The following BBS9 variants were observed in gnomAD, a reference collection of about 807,000 sequenced individuals.
BBS9 encodes protein PTHB1.
BBS9 carries 89 observed loss-of-function variants against 117.7 expected under a neutral mutation model. The ratio of observed to expected loss-of-function variants is 0.76; its 90% CI spans 0.64 to 0.90. The LOEUF (loss-of-function observed/expected upper bound fraction) is 0.90, where lower values mean the gene tolerates loss of function less well. BBS9 is among the 40% of genes least tolerant of loss of function. The pLI is 0.00. For missense variants in BBS9, 982 were observed against 1,042.2 expected (o/e 0.94, Z 0.80); for synonymous variants, 379 against 370.9 (o/e 1.02, Z -0.25).
chr7:33,308,127 T>G (rs1363894185), intron 9 of BBS9, among the ~76,000 whole-genome samples: 1 of 152,178 alleles, frequency 6.6e-6, no homozygotes, highest in African/African-American at 2.4e-5. Flanking sequence ...AGCAGCATGT[T>G]GTTAGTTTGA....
intron 9 of BBS9, among the ~76,000 whole-genome samples, chr7:33,325,675 T>G (rs1812676671): frequency 6.6e-6 from 1 of 152,176 alleles, no homozygotes; most frequent in Non-Finnish European, 1.5e-5. Context: ...ATCTAGATTT[T>G]GGGTCACTGC....
intron 21 of BBS9, among the ~76,000 whole-genome samples, chr7:33,623,460 G>T (rs760475283): frequency 1.5e-4 from 23 of 152,128 alleles, no homozygotes; most frequent in Non-Finnish European, 3.2e-4. Context: ...TTTTGGCCAA[G>T]AGTTTGGCAT....
intron 21 of BBS9, among the ~76,000 whole-genome samples, chr7:33,581,188 G>C (rs1390546718): frequency 6.6e-6 from 1 of 152,012 alleles, no homozygotes; most frequent in Non-Finnish European, 1.5e-5. Context: ...CCAAGACACT[G>C]TGTACTTGCT....
At chr7:33,407,430 A>G (rs1260883704) in intron 19 of BBS9, among the ~76,000 whole-genome samples, 1 of 152,186 alleles carries the variant, frequency 6.6e-6, no homozygotes, top group Non-Finnish European at 1.5e-5. Context: ...TTCTTCTCTC[A>G]ACTCGTCAAA....
intron 4 of BBS9, among the ~76,000 whole-genome samples, chr7:33,166,253 T>C (rs556036702): frequency 1.3e-5 from 2 of 152,158 alleles, no homozygotes. Flanking sequence ...GGCACCCTCC[T>C]GTATGAGGTG....
intron 4 of BBS9, among the ~76,000 whole-genome samples, chr7:33,169,057 G>A (rs1183488412): frequency 1.3e-5 from 2 of 151,722 alleles, no homozygotes; most frequent in African/African-American, 2.4e-5. Flanking sequence ...GAGAATATGC[G>A]GTGTTTGGTT....
At chr7:33,134,241 T>C (rs1279410683) in intron 1 of BBS9, among the ~76,000 whole-genome samples, 2 of 150,466 alleles carry the variant, frequency 1.3e-5, no homozygotes, top group East Asian at 3.9e-4. Flanking sequence ...TTTTTTGTAT[T>C]TTTAGTGGAG....
At chr7:33,136,784 G>A (rs1395327981) in intron 1 of BBS9, among the ~76,000 whole-genome samples, 1 of 152,078 alleles carries the variant, frequency 6.6e-6, no homozygotes, top group Non-Finnish European at 1.5e-5. Flanking sequence ...TTGGTCTATT[G>A]TTTTCTTGTG....
At chr7:33,269,356 A>T (rs762218954) in intron 7 of BBS9, among the ~76,000 whole-genome samples, 3 of 152,102 alleles carry the variant, frequency 2.0e-5, no homozygotes, top group Non-Finnish European at 4.4e-5. Flanking sequence ...TTACTTTCAT[A>T]TACAATATAT....
intron 19 of BBS9, among the ~76,000 whole-genome samples, chr7:33,489,771 C>T (rs928873254): frequency 3.3e-5 from 5 of 152,172 alleles, no homozygotes; most frequent in African/African-American, 7.2e-5. Flanking sequence ...TGAAGCTTCA[C>T]GTGCTATTGT....
chr7:33,367,903 C>A, intron 17 of BBS9, 41 bp downstream of exon 17: 1 of 1,485,752 alleles, frequency 6.7e-7, no homozygotes, highest in South Asian at 1.1e-5. Context: ...AAATTTTTTT[C>A]TAAGGATACC....
At chr7:33,390,622 T>G in intron 19 of BBS9, 1 of 965,852 alleles carries the variant, frequency 1.0e-6, no homozygotes, top group Non-Finnish European at 1.2e-6. Context: ...ATAAGTTTCA[T>G]GAGCATAATA....
intron 20 of BBS9, among the ~76,000 whole-genome samples, chr7:33,511,514 C>T (rs945854073): frequency 1.3e-5 from 2 of 152,016 alleles, no homozygotes; most frequent in Non-Finnish European, 2.9e-5. Context: ...TTTTAAAGTA[C>T]GTTCAATGTC....
chr7:33,222,495 G>C (rs1273340651), intron 5 of BBS9, among the ~76,000 whole-genome samples: 1 of 152,088 alleles, frequency 6.6e-6, no homozygotes, highest in Non-Finnish European at 1.5e-5. Context: ...AGCCTTCTCT[G>C]TTTCTCATGT....
intron 17 of BBS9, among the ~76,000 whole-genome samples, chr7:33,371,388 T>C (rs2128721885): frequency 6.6e-6 from 1 of 152,304 alleles, no homozygotes; most frequent in South Asian, 2.1e-4. Flanking sequence ...TTTCAGTATC[T>C]AGTGTTTTCA....
intron 5 of BBS9, among the ~76,000 whole-genome samples, chr7:33,224,112 ATATT>A (rs760366171): frequency 1.3e-5 from 2 of 152,172 alleles, no homozygotes; most frequent in African/African-American, 2.4e-5. Context: ...CTGATATGAA[ATATT>A]TATTATTTAT....
At chr7:33,532,374 G>A (rs944917588) in intron 20 of BBS9, among the ~76,000 whole-genome samples, 2 of 152,204 alleles carry the variant, frequency 1.3e-5, no homozygotes, top group African/African-American at 4.8e-5. Flanking sequence ...CTGTTCTCAT[G>A]CAGCTATAAG....
rs140255781 is a variant in BBS9, at chr7:33,198,926, C to A, written c.442+21335C>A. Among the ~76,000 whole-genome samples the A allele has an allele frequency of 5.9e-5, 9 of 152,046 alleles. No homozygotes were observed. The East Asian group carries it at 1.7e-3, about 29-fold the overall frequency. ...GATATATTAGGAACAGTGCCTAGCA[C>A]TATTAATATGTCTACTGTTGCTAGT... On this transcript the variant is annotated intron_variant, in intron 5 of 22. Coordinates refer to ENST00000242067, the MANE Select transcript of BBS9 (RefSeq NM_198428.3).
intron 21 of BBS9, among the ~76,000 whole-genome samples, chr7:33,550,614 A>C (rs1854257207): frequency 6.6e-6 from 1 of 152,182 alleles, no homozygotes; most frequent in Non-Finnish European, 1.5e-5. Context: ...GAATGAAGCC[A>C]GATCTATGCT....
Sources: gnomAD v4.1 joint callset for allele counts (sites outside exome capture counted in the v4.1 genomes callset) on GRCh38, gnomAD v4.1.1 for gene constraint, MANE v1.5 for transcripts, NCBI Gene and HGNC (gene_info 2026-07-23, HGNC 2026-07-21) for gene names.